Variants in FRMPD1 observed in about 807,000 individuals in gnomAD.
FRMPD1 encodes the protein FERM and PDZ domain-containing protein 1.
In FRMPD1, 76 loss-of-function variants were observed where a neutral mutation model predicts 117.8. The ratio of observed to expected loss-of-function variants is 0.65; its 90% CI spans 0.54 to 0.78. The LOEUF (loss-of-function observed/expected upper bound fraction) is 0.78, where lower values mean the gene tolerates loss of function less well. Ranked by LOEUF, FRMPD1 falls within the 30% of genes least tolerant of loss-of-function variation. FRMPD1 has a pLI of 0.00. For missense variants in FRMPD1, 1,786 were observed against 1,964.5 expected (o/e 0.91, Z 1.72); for synonymous variants, 783 against 770.4 (o/e 1.02, Z -0.27).
At chr9:37,722,010 G>C (rs1823420243) in intron 6 of FRMPD1, among the ~76,000 whole-genome samples, 1 of 152,168 alleles carries the variant, frequency 6.6e-6, no homozygotes, top group Non-Finnish European at 1.5e-5. Flanking sequence ...TATATTCTTT[G>C]TAAACCTTTT....
chr9:37,660,149 G>A (rs1360182836), intron 1 of FRMPD1, among the ~76,000 whole-genome samples: 1 of 152,044 alleles, frequency 6.6e-6, no homozygotes, highest in Non-Finnish European at 1.5e-5. Flanking sequence ...GCCTGTGTGG[G>A]GATAGGGGCT....
At chr9:37,691,428 GAACA>G (rs1372752138) in intron 1 of FRMPD1, among the ~76,000 whole-genome samples, 6 of 152,190 alleles carry the variant, frequency 3.9e-5, no homozygotes, top group African/African-American at 1.4e-4. Flanking sequence ...GGTAAAATTT[GAACA>G]TAGTCTATAG....
intron 5 of FRMPD1, among the ~76,000 whole-genome samples, chr9:37,718,516 T>A (rs546419807): frequency 2.0e-5 from 3 of 152,326 alleles, no homozygotes; most frequent in Admixed American, 6.5e-5. Flanking sequence ...TGACTCTCTT[T>A]ACTTCTTTGG....
intron 1 of FRMPD1, among the ~76,000 whole-genome samples, chr9:37,653,206 G>GAAT (rs1283594096): frequency 1.3e-5 from 2 of 152,098 alleles, no homozygotes; most frequent in Non-Finnish European, 2.9e-5. Context: ...CGTAAAACGG[G>GAAT]AATAATAATA....
intron 5 of FRMPD1, among the ~76,000 whole-genome samples, chr9:37,714,312 GA>G (rs1242247711): frequency 2.6e-5 from 4 of 152,192 alleles, no homozygotes; most frequent in African/African-American, 9.6e-5. Flanking sequence ...ATGAGCAAAA[GA>G]AAATACTTAA....
upstream of FRMPD1, among the ~76,000 whole-genome samples, chr9:37,650,098 C>T (rs959662441): frequency 3.3e-5 from 5 of 152,178 alleles, no homozygotes; most frequent in African/African-American, 7.2e-5. Flanking sequence ...ACTGTACATT[C>T]CATGAGGACA....
At chr9:37,604,804 G>A in the FRMPD1 span, among the ~76,000 whole-genome samples, 794 of 152,294 alleles carry the variant, frequency 5.2e-3, 5 homozygotes, top group Non-Finnish European at 8.0e-3. Flanking sequence ...GAACCAGGGA[G>A]AATGAAGGGA....
At chr9:37,639,427 C>T in the FRMPD1 span, among the ~76,000 whole-genome samples, 3 of 152,154 alleles carry the variant, frequency 2.0e-5, no homozygotes, top group Non-Finnish European at 2.9e-5. Flanking sequence ...TTTGCTGTGG[C>T]TCTGCAGGAC....
the FRMPD1 span, among the ~76,000 whole-genome samples, chr9:37,643,149 G>A: frequency 2.6e-5 from 4 of 152,164 alleles, no homozygotes; most frequent in Non-Finnish European, 5.9e-5. Flanking sequence ...TTAATACAGT[G>A]TAGAAATTAG....
At chr9:37,609,741 C>G in the FRMPD1 span, among the ~76,000 whole-genome samples, 1 of 101,422 alleles carries the variant, frequency 9.9e-6, no homozygotes, top group Non-Finnish European at 2.2e-5. Context: ...AATCAAAGCC[C>G]TTACAATGGC....
chr9:37,669,305 C>G (rs781599695), intron 1 of FRMPD1, among the ~76,000 whole-genome samples: 32 of 152,198 alleles, frequency 2.1e-4, no homozygotes, highest in Admixed American at 7.8e-4. Context: ...CTTTGATGGT[C>G]TGCATTGAGG....
chr9:37,643,221 C>T, the FRMPD1 span, among the ~76,000 whole-genome samples: 1 of 152,110 alleles, frequency 6.6e-6, no homozygotes, highest in Non-Finnish European at 1.5e-5. Flanking sequence ...CAAGTGCATA[C>T]ATTTTATCTG....
In FRMPD1 at chr9:37,735,629, C is replaced by T; in HGVS notation, c.1296C>T (p.Leu432=). The T allele has an allele frequency of 1.2e-6, 2 of 1,613,746 alleles. No individual in the cohort carries two copies. Among genetic ancestry groups the T allele is most frequent in the Non-Finnish European group, 1.7e-6 (2 of 1,179,668 alleles). The change falls in exon 13 of 16, where the codon CTC becomes CTT. Residue 432 remains leucine (L), a synonymous_variant. Coordinates refer to ENST00000377765, the MANE Select transcript of FRMPD1 (RefSeq NM_014907.3). ...YGISQVINSK[L]NIMSTLAEFA... ...TTAGCCAGGTTATCAATAGCAAACT[C>T]AACATCATGTCCACATTGGCAGAGT...
chr9:37,606,221 C>G, the FRMPD1 span, among the ~76,000 whole-genome samples: 1 of 152,226 alleles, frequency 6.6e-6, no homozygotes, highest in East Asian at 1.9e-4. Context: ...GAAACCTGCT[C>G]TTGTATTCAT....
At chr9:37,668,416 G>C (rs961837732) in intron 1 of FRMPD1, 2 of 152,290 alleles carry the variant, frequency 1.3e-5, no homozygotes, top group Non-Finnish European at 2.9e-5. Flanking sequence ...CTATGGGAAG[G>C]TCATTTGATA....
chr9:37,690,038 A>G (rs901462899), intron 1 of FRMPD1, among the ~76,000 whole-genome samples: 1 of 151,970 alleles, frequency 6.6e-6, no homozygotes, highest in African/African-American at 2.4e-5. Flanking sequence ...TCTTAATTTG[A>G]AAATTTAAGT....
chr9:37,730,003 G>T lies in FRMPD1; in HGVS notation c.738+150G>T, dbSNP rs1823798582. 9.2e-6 allele frequency: 7 copies of T among 764,602 alleles called. No homozygotes were observed. In the South Asian group the frequency reaches 1.3e-4, roughly 14 times the overall value. 47.4% of individuals were successfully genotyped at this position (764,602 alleles called of 1,614,324 possible). On this transcript the variant is annotated intron_variant, in intron 8 of 15. Transcript: ENST00000377765. The stretch of plus-strand genomic sequence containing the variant: ...AGGCACAGAGCTCACTCAGCCTGGG[G>T]GTTATGGGACAAGAATCAGCCTGAT...
In FRMPD1 at chr9:37,731,077, G is replaced by T. The variant is rs550566906; in HGVS notation, c.832G>T (p.Val278Leu). 1 of 1,613,596 alleles carries T rather than the reference G, an allele frequency of 6.2e-7. No homozygotes were observed. The highest frequency in any genetic ancestry group is 8.5e-7 in the Non-Finnish European group (1 of 1,179,508). ...CCTGGACCTCCTGAAAGAAGACCCC[G>T]TGGCCTTTGAATACCTCTATCTGCA... ...DPLDLLKEDP[V>L]AFEYLYLQSC... is the part of the protein sequence containing the mutation. Residue 278 changes from valine to leucine, a missense_variant, in exon 9 of 16, where the codon GTG (valine) becomes TTG (leucine). Val to Leu is a conservative substitution (Grantham distance 32). Transcript: ENST00000377765.
intron 5 of FRMPD1, among the ~76,000 whole-genome samples, chr9:37,714,775 T>G (rs763860096): frequency 1.4e-4 from 22 of 152,038 alleles, no homozygotes; most frequent in Non-Finnish European, 2.5e-4. Flanking sequence ...GTCCCCTGAG[T>G]AACTGGCATT....
Sources: gnomAD v4.1 joint callset for allele counts (sites outside exome capture counted in the v4.1 genomes callset) on GRCh38, gnomAD v4.1.1 for gene constraint, MANE v1.5 for transcripts, NCBI Gene and HGNC (gene_info 2026-07-23, HGNC 2026-07-21) for gene names.